DCC: variants seen among roughly 807,000 people sequenced by gnomAD.
DCC encodes DCC netrin 1 receptor.
Under a neutral mutation model 172.5 loss-of-function variants are expected in DCC, and 58 were observed. That is an observed-to-expected ratio of 0.34 (90% CI 0.27 to 0.42). The LOEUF is 0.42. Ranked by LOEUF, DCC falls within the 10% of genes least tolerant of loss-of-function variation. DCC has a pLI of 1.00. For missense variants in DCC, 1,740 were observed against 1,791.0 expected, an observed-to-expected ratio of 0.97 and a Z score of 0.51; for synonymous variants, 709 against 644.5, an observed-to-expected ratio of 1.10 and a Z score of -1.52.
intron 15 of DCC, among the ~76,000 whole-genome samples, chr18:53,350,761 G>T (rs1221917325): frequency 6.6e-6 from 1 of 151,988 alleles, no homozygotes; most frequent in African/African-American, 2.4e-5. Flanking sequence ...ACTTTATATT[G>T]TGGTCATTGC....
At chr18:53,192,095 C>T (rs543307189) in intron 9 of DCC, among the ~76,000 whole-genome samples, 9 of 152,200 alleles carry the variant, frequency 5.9e-5, no homozygotes, top group African/African-American at 9.6e-5. Context: ...TTCAGTCAGC[C>T]GACCAGAAGC....
chr18:53,406,164 A>G (rs1479755326), intron 19 of DCC, among the ~76,000 whole-genome samples: 2 of 152,172 alleles, frequency 1.3e-5, no homozygotes, highest in South Asian at 2.1e-4. Context: ...CCTTATTAAT[A>G]CAGTCTAATA....
intron 1 of DCC, among the ~76,000 whole-genome samples, chr18:52,617,723 T>C (rs1418469003): frequency 6.6e-6 from 1 of 152,098 alleles, no homozygotes; most frequent in Non-Finnish European, 1.5e-5. Context: ...ATATCACTAC[T>C]GAAAAATATG....
chr18:52,881,589 C>T (rs1242917089), intron 2 of DCC, among the ~76,000 whole-genome samples: 1 of 151,930 alleles, frequency 6.6e-6, no homozygotes, highest in Non-Finnish European at 1.5e-5. Context: ...CACCACCGTT[C>T]ATTGTTGAAA....
chr18:53,353,608 C>A (rs1025397955), intron 15 of DCC, among the ~76,000 whole-genome samples: 30 of 151,804 alleles, frequency 2.0e-4, no homozygotes, highest in African/African-American at 7.0e-4. Flanking sequence ...AATTTTCCAT[C>A]TTTGTTATGT....
chr18:52,674,400 G>A lies in DCC; in HGVS notation c.92-77654G>A, dbSNP rs371180136. Among the ~76,000 whole-genome samples the A allele has an allele frequency of 5.3e-5, 8 of 152,280 alleles. No homozygotes were observed. In the East Asian group the frequency reaches 7.7e-4, roughly 15 times the overall value. Reference sequence around the variant, plus strand: ...GAACCTTCTCCTTCCATTTGCTTCTGTTGAAGCCCACAACAGATTGGATGG... The same window carrying A: ...GAACCTTCTCCTTCCATTTGCTTCTATTGAAGCCCACAACAGATTGGATGG... On this transcript the variant is annotated intron_variant, in intron 1 of 28. Coordinates refer to ENST00000442544, the MANE Select transcript of DCC (RefSeq NM_005215.4).
chr18:52,599,616 G>A (rs1209868913), intron 1 of DCC, among the ~76,000 whole-genome samples: 2 of 152,080 alleles, frequency 1.3e-5, no homozygotes, highest in Non-Finnish European at 2.9e-5. Flanking sequence ...CTGGGTTCAA[G>A]CGATTCTCCT....
intron 1 of DCC, among the ~76,000 whole-genome samples, chr18:52,408,874 A>G (rs548686511): frequency 6.6e-6 from 1 of 152,120 alleles, no homozygotes; most frequent in Non-Finnish European, 1.5e-5. Context: ...TAAAGGGCAG[A>G]CAAAATGATT....
At chr18:53,022,522 G>A (rs114377411) in intron 5 of DCC, among the ~76,000 whole-genome samples, 5,270 of 143,076 alleles carry the variant, frequency 0.037, 103 homozygotes, top group Middle Eastern at 0.067. Flanking sequence ...TATATGTTCA[G>A]TATTTTTTAT....
At chr18:52,608,555 A>C (rs2034185852) in intron 1 of DCC, among the ~76,000 whole-genome samples, 1 of 152,208 alleles carries the variant, frequency 6.6e-6, no homozygotes, top group African/African-American at 2.4e-5. Flanking sequence ...AGTAGTGTGA[A>C]AGAGATTACT....
At chr18:52,825,937 A>G (rs899325045) in intron 2 of DCC, among the ~76,000 whole-genome samples, 11 of 151,998 alleles carry the variant, frequency 7.2e-5, no homozygotes, top group Non-Finnish European at 8.8e-5. Flanking sequence ...TGAGGGGGGG[A>G]AAAACAGCAG....
At chr18:53,430,397 A>G (rs1382729630) in intron 21 of DCC, among the ~76,000 whole-genome samples, 1 of 152,100 alleles carries the variant, frequency 6.6e-6, no homozygotes, top group Non-Finnish European at 1.5e-5. Flanking sequence ...TACCACATCC[A>G]CTTTTCTCCA....
intron 1 of DCC, among the ~76,000 whole-genome samples, chr18:52,417,946 A>G (rs1987102153): frequency 6.6e-6 from 1 of 152,206 alleles, no homozygotes; most frequent in Admixed American, 6.6e-5. Flanking sequence ...AAGAAGCAGC[A>G]GGACCATAGC....
At chr18:52,832,213 A>T (rs1303587777) in intron 2 of DCC, among the ~76,000 whole-genome samples, 1 of 152,178 alleles carries the variant, frequency 6.6e-6, no homozygotes, top group East Asian at 1.9e-4. Context: ...GCTATGCTGC[A>T]GCAGATGTGG....
intron 1 of DCC, among the ~76,000 whole-genome samples, chr18:52,670,800 A>G (rs1011846099): frequency 1.3e-5 from 2 of 152,086 alleles, no homozygotes; most frequent in African/African-American, 4.8e-5. Context: ...AGATTGCGCC[A>G]CTGCACTCCA....
intron 4 of DCC, among the ~76,000 whole-genome samples, 168 bp downstream of exon 4, chr18:52,924,025 C>G (rs941669521): frequency 1.3e-5 from 2 of 151,942 alleles, no homozygotes; most frequent in African/African-American, 4.8e-5. Context: ...AGATATTTAG[C>G]CACTGGGATG....
intron 5 of DCC, among the ~76,000 whole-genome samples, chr18:52,989,677 C>T (rs756934435): frequency 2.6e-5 from 4 of 152,270 alleles, no homozygotes; most frequent in Non-Finnish European, 5.9e-5. Context: ...ACTCACACAA[C>T]AACACACCAT....
intron 1 of DCC, among the ~76,000 whole-genome samples, chr18:52,494,472 G>T (rs571749612): frequency 2.0e-5 from 3 of 152,026 alleles, no homozygotes; most frequent in South Asian, 4.2e-4. Context: ...CTGTATATTA[G>T]ATATTTATAC....
intron 2 of DCC, among the ~76,000 whole-genome samples, chr18:52,880,514 C>A (rs1169069552): frequency 6.6e-6 from 1 of 152,154 alleles, no homozygotes; most frequent in East Asian, 1.9e-4. Context: ...GAAACCCCTA[C>A]TACCTTTCCC....
Sources: gnomAD v4.1 joint callset for allele counts (sites outside exome capture counted in the v4.1 genomes callset) on GRCh38, gnomAD v4.1.1 for gene constraint, MANE v1.5 for transcripts, NCBI Gene and HGNC (gene_info 2026-07-23, HGNC 2026-07-21) for gene names.